The following CAMTA1 variants were observed in gnomAD, a reference collection of about 807,000 sequenced individuals.
The protein encoded by CAMTA1 is calmodulin binding transcription activator 1.
CAMTA1 carries 27 observed loss-of-function variants against 170.9 expected under a neutral mutation model. The observed-to-expected ratio is 0.16, with a 90% CI of 0.12 to 0.22. The LOEUF (loss-of-function observed/expected upper bound fraction) is 0.22. Among genes scored for constraint, CAMTA1 ranks in the 10% least tolerant of loss-of-function variants. The pLI is 1.00. For synonymous variants in CAMTA1, 833 were observed against 891.5 expected, an observed-to-expected ratio of 0.93 and a Z score of 1.17; for missense variants, 1,619 against 2,217.2, an observed-to-expected ratio of 0.73 and a Z score of 5.42.
intron 6 of CAMTA1, among the ~76,000 whole-genome samples, chr1:7,624,261 G>A (rs12138540): frequency 0.22 from 34,240 of 152,224 alleles, 5,501 homozygotes; most frequent in African/African-American, 0.46. Context: ...ATCAATTGGT[G>A]ATGACAACGC....
chr1:7,330,620 G>A (rs1222985528), intron 5 of CAMTA1, among the ~76,000 whole-genome samples: 6 of 152,080 alleles, frequency 3.9e-5, no homozygotes, highest in Non-Finnish European at 7.4e-5. Context: ...CCCCAGTCTC[G>A]GATATCTGAA....
chr1:7,716,840 G>A (rs985528177), intron 11 of CAMTA1, among the ~76,000 whole-genome samples: 2 of 152,340 alleles, frequency 1.3e-5, no homozygotes, highest in Admixed American at 6.5e-5. Context: ...TTGCAACACT[G>A]TTCACAATAA....
At chr1:6,920,587 C>T (rs139780216) in intron 3 of CAMTA1, among the ~76,000 whole-genome samples, 1 of 152,372 alleles carries the variant, frequency 6.6e-6, no homozygotes, top group African/African-American at 2.4e-5. Flanking sequence ...CCCTTCCACA[C>T]TGCCCTAGCA....
chr1:6,848,641 A>T (rs894022317), intron 3 of CAMTA1, among the ~76,000 whole-genome samples: 2 of 152,206 alleles, frequency 1.3e-5, no homozygotes, highest in Admixed American at 1.3e-4. Context: ...TAGAGTTAGT[A>T]GCATTTATGT....
At chr1:6,856,935 G>A (rs2148860917) in intron 3 of CAMTA1, among the ~76,000 whole-genome samples, 1 of 152,278 alleles carries the variant, frequency 6.6e-6, no homozygotes, top group African/African-American at 2.4e-5. Context: ...AGGGTAGGGG[G>A]AGGTAGAGAG....
rs747988444 is a variant in CAMTA1, at chr1:7,737,030, GC to G, written c.3342+28del. The G allele has an allele frequency of 3.2e-5, 50 of 1,567,572 alleles. No individual in the cohort carries two copies. In the African/African-American group the frequency reaches 3.9e-4, roughly 12 times the overall value. The stretch of plus-strand genomic sequence containing the variant: ...CTCTGGTAAGGAATGGATTCCTGTA[GC>G]CCCCCCTTGCTGTTCTTCCAGTCTG... On this transcript the variant is annotated intron_variant, in intron 14 of 22. Transcript: ENST00000303635.
chr1:7,556,035 C>G (rs1001465017), intron 6 of CAMTA1, among the ~76,000 whole-genome samples: 2 of 152,176 alleles, frequency 1.3e-5, no homozygotes, highest in Non-Finnish European at 2.9e-5. Context: ...CTTGGGGAAG[C>G]AGGGAGTCCA....
At chr1:6,804,856 C>T (rs1172815615) in intron 1 of CAMTA1, among the ~76,000 whole-genome samples, 3 of 152,156 alleles carry the variant, frequency 2.0e-5, no homozygotes, top group African/African-American at 7.2e-5. Context: ...CACCTGGCCA[C>T]TTCACTCCTT....
intron 5 of CAMTA1, among the ~76,000 whole-genome samples, chr1:7,372,635 T>C (rs2086561368): frequency 6.6e-6 from 1 of 152,198 alleles, no homozygotes; most frequent in African/African-American, 2.4e-5. Flanking sequence ...ATAATTACAA[T>C]CGCCACAGTG....
chr1:7,026,418 T>C (rs1250079014), intron 3 of CAMTA1, among the ~76,000 whole-genome samples: 4 of 151,832 alleles, frequency 2.6e-5, no homozygotes, highest in African/African-American at 9.7e-5. Flanking sequence ...GCAGCCCCGG[T>C]GGGAGAAGGG....
At chr1:7,459,926 C>T (rs1464315860) in intron 5 of CAMTA1, among the ~76,000 whole-genome samples, 1 of 152,240 alleles carries the variant, frequency 6.6e-6, no homozygotes, top group East Asian at 1.9e-4. Context: ...TAGTCCTGAG[C>T]CTGCACTTGA....
At chr1:6,840,605 A>G (rs955470972) in intron 3 of CAMTA1, among the ~76,000 whole-genome samples, 6 of 152,146 alleles carry the variant, frequency 3.9e-5, no homozygotes, top group African/African-American at 9.7e-5. Context: ...CAGAGTGATG[A>G]TGTTGAATAG....
chr1:7,690,898 C>G (rs764634665), intron 11 of CAMTA1, among the ~76,000 whole-genome samples: 1 of 152,220 alleles, frequency 6.6e-6, no homozygotes, highest in Non-Finnish European at 1.5e-5. Flanking sequence ...TTGGAGCTGC[C>G]TCCCAGGGCT....
In CAMTA1 at chr1:7,586,016, G is replaced by A. The variant is rs2095306767; in HGVS notation, c.511-54384G>A. On this transcript the variant is annotated intron_variant, in intron 6 of 22. Coordinates refer to ENST00000303635, the MANE Select transcript of CAMTA1 (RefSeq NM_015215.4). Reference sequence around the variant, plus strand: ...TGCGGTAGAAATCCCCAAGATTGTGGGAAAAGGCTGGGGTAGCCAGGGCAG... The same window carrying A: ...TGCGGTAGAAATCCCCAAGATTGTGAGAAAAGGCTGGGGTAGCCAGGGCAG... Among the ~76,000 whole-genome samples the A allele has an allele frequency of 1.3e-5, 2 of 152,108 alleles. 1 individual carries two copies. The highest frequency in any genetic ancestry group is 4.1e-4 in the South Asian group (2 of 4,836).
chr1:6,973,505 C>G (rs1352381903), intron 3 of CAMTA1, among the ~76,000 whole-genome samples: 3 of 152,230 alleles, frequency 2.0e-5, no homozygotes, highest in South Asian at 2.1e-4. Flanking sequence ...ATATCCCACG[C>G]TCCCTTTATG....
rs554727451 is a variant in CAMTA1, at chr1:7,508,570, C to T, written c.510+40669C>T. Among the ~76,000 whole-genome samples, 8 of 152,274 alleles carry T rather than the reference C, an allele frequency of 5.3e-5. No homozygotes were observed. In the East Asian group the frequency reaches 1.2e-3, roughly 22 times the overall value. ...CTGAGTTCTCTGAGTCACCTCTGTG[C>T]CCCCAGCACCCAGCACTGTGCCTGG... On this transcript the variant is annotated intron_variant, in intron 6 of 22. Transcript: ENST00000303635.
chr1:7,480,628 C>T (rs930785434), intron 6 of CAMTA1, among the ~76,000 whole-genome samples: 1 of 152,076 alleles, frequency 6.6e-6, no homozygotes, highest in African/African-American at 2.4e-5. Context: ...GCCATTCCCT[C>T]CTTATGAACG....
intron 11 of CAMTA1, among the ~76,000 whole-genome samples, chr1:7,692,549 G>A (rs985280224): frequency 3.3e-5 from 5 of 152,238 alleles, no homozygotes; most frequent in African/African-American, 9.6e-5. Context: ...ATGAATGAGT[G>A]AGTAGGTGAG....
intron 3 of CAMTA1, among the ~76,000 whole-genome samples, chr1:6,878,660 G>A (rs1670609972): frequency 1.3e-5 from 2 of 152,160 alleles, no homozygotes; most frequent in Admixed American, 6.5e-5. Context: ...ACTTTTCCAG[G>A]AACCGCTCCC....
Sources: gnomAD v4.1 joint callset for allele counts (sites outside exome capture counted in the v4.1 genomes callset) on GRCh38, gnomAD v4.1.1 for gene constraint, MANE v1.5 for transcripts, NCBI Gene and HGNC (gene_info 2026-07-23, HGNC 2026-07-21) for gene names.